Variants in CCDC63 observed in about 807,000 individuals in gnomAD.
CCDC63 encodes coiled-coil domain containing 63.
CCDC63 carries 54 observed loss-of-function variants against 63.6 expected under a neutral mutation model. The observed-to-expected ratio is 0.85, with a 90% CI of 0.68 to 1.07. The LOEUF is 1.07. Ranked by LOEUF, CCDC63 falls within the 50% of genes least tolerant of loss-of-function variation. The pLI is 0.00. For missense variants in CCDC63, 637 were observed against 689.6 expected (o/e 0.92, Z 0.86); for synonymous variants, 253 against 266.1 (o/e 0.95, Z 0.48).
rs1367395822 is a variant in CCDC63, at chr12:110,904,597, A to C, written c.1352A>C (p.Glu451Ala). The change falls in exon 11 of 12, where the codon GAA becomes GCA. Residue 451 changes from glutamate to alanine, a missense_variant. Transcript: ENST00000308208. ...INLPQYFAII[E>A]KKTNDLLLLE... ...GCTTCTTGTTCTCCAGCCATCATTG[A>C]AAAGAAGACCAACGACCTGCTGCTG... 2 of 1,613,898 alleles carry C rather than the reference A, an allele frequency of 1.2e-6. No homozygotes were observed. The highest frequency in any genetic ancestry group is 1.7e-6 in the Non-Finnish European group (2 of 1,179,968).
At chr12:110,853,612 G>C in intron 3 of CCDC63, 38 bp downstream of exon 3, 1 of 1,612,656 alleles carries the variant, frequency 6.2e-7, no homozygotes, top group Non-Finnish European at 8.5e-7. Context: ...AGTGACCTTG[G>C]AGGAAAGTTG....
chr12:110,866,324 T>TTTTA (rs398021066), intron 4 of CCDC63, among the ~76,000 whole-genome samples: 11 of 146,432 alleles, frequency 7.5e-5, no homozygotes, highest in African/African-American at 2.6e-4. Context: ...TTTTTTTTTT[T>TTTTA]AATTTATTTT....
At chr12:110,850,700 C>T (rs2070695408) in intron 1 of CCDC63, among the ~76,000 whole-genome samples, 1 of 152,136 alleles carries the variant, frequency 6.6e-6, no homozygotes, top group Non-Finnish European at 1.5e-5. Flanking sequence ...GAGATTGTGC[C>T]GTTGCACTCC....
chr12:110,849,565 C>T (rs1433401345), intron 1 of CCDC63, among the ~76,000 whole-genome samples: 1 of 141,608 alleles, frequency 7.1e-6, no homozygotes, highest in Non-Finnish European at 1.5e-5. Context: ...GTGGTGCGAT[C>T]TCAGCTCACT....
chr12:110,853,490 G>A lies in CCDC63; in HGVS notation c.95G>A (p.Arg32Gln), dbSNP rs377251306. Residue 32 changes from arginine to glutamine, a missense_variant, in exon 3 of 12, where the codon CGG (arginine) becomes CAG (glutamine). Arg to Gln is a conservative substitution (Grantham distance 43). Transcript: ENST00000308208. ...AKEQQAEAELRKLRQQFRKMV... is the reference protein window; with the variant it reads ...AKEQQAEAELQKLRQQFRKMV... The stretch of plus-strand genomic sequence containing the variant: ...GAGCAGCAGGCGGAGGCAGAGCTCC[G>A]GAAGCTAAGGCAGCAGTTCAGGAAG... 5.0e-5 allele frequency: 80 copies of A among 1,614,076 alleles called. No individual in the cohort carries two copies. The highest frequency in any genetic ancestry group is 8.0e-5 in the African/African-American group (6 of 74,920).
Position 110,884,197 on chromosome 12 carries a change from A to G in CCDC63, c.1021A>G (p.Thr341Ala). The change falls in exon 8 of 12, where the codon ACG (threonine) becomes GCG (alanine). Residue 341 changes from threonine to alanine, a missense_variant. Thr to Ala is a moderately conservative substitution (Grantham distance 58, BLOSUM62 0). Transcript: ENST00000308208. ...EKNFARFTYV[T>A]ELNNDMEMMH... is the part of the protein sequence containing the mutation. ...GAATTTTGCTCGGTTCACGTATGTC[A>G]CGGAGCTCAACAACGACATGGAGAT... 1.2e-6 allele frequency: 2 copies of G among 1,614,088 alleles called. No homozygotes were observed. Among genetic ancestry groups the G allele is most frequent in the Non-Finnish European group, 1.7e-6 (2 of 1,180,012 alleles).
intron 4 of CCDC63, among the ~76,000 whole-genome samples, chr12:110,868,714 A>AGAGGGAGAGGGAGAGG (rs1383852641): frequency 7.0e-5 from 6 of 86,030 alleles, no homozygotes; most frequent in South Asian, 1.0e-3. Context: ...GACCGTGGGG[A>AGAGGGAGAGGGAGAGG]GAGGGAGAGG....
chr12:110,884,198 C>A lies in CCDC63; in HGVS notation c.1022C>A (p.Thr341Lys). 6.2e-7 allele frequency: 1 copy of A among 1,614,084 alleles called. No individual in the cohort carries two copies. Among genetic ancestry groups the A allele is most frequent in the South Asian group, 1.1e-5 (1 of 91,072 alleles). ...AATTTTGCTCGGTTCACGTATGTCA[C>A]GGAGCTCAACAACGACATGGAGATG... ...EKNFARFTYV[T>K]ELNNDMEMMH... Residue 341 changes from threonine to lysine, a missense_variant, in exon 8 of 12, where the codon ACG becomes AAG. Thr to Lys is a moderately conservative substitution (Grantham distance 78, BLOSUM62 -1). Coordinates refer to ENST00000308208, the MANE Select transcript of CCDC63 (RefSeq NM_152591.3).
intron 7 of CCDC63, among the ~76,000 whole-genome samples, chr12:110,881,873 T>G (rs1237322515): frequency 6.6e-6 from 1 of 152,214 alleles, no homozygotes; most frequent in Non-Finnish European, 1.5e-5. Context: ...TATATTTGTC[T>G]GAAATTCAAA....
chr12:110,868,024 C>T (rs1268057042), intron 4 of CCDC63, among the ~76,000 whole-genome samples: 2 of 143,914 alleles, frequency 1.4e-5, no homozygotes, highest in South Asian at 2.3e-4. Context: ...ACGGGGCGGC[C>T]GGGCAGAGAC....
At chr12:110,850,656 G>A (rs532179633) in intron 1 of CCDC63, among the ~76,000 whole-genome samples, 17 of 152,294 alleles carry the variant, frequency 1.1e-4, no homozygotes, top group African/African-American at 3.4e-4. Flanking sequence ...CAGGAGAATC[G>A]CTTGAACCCG....
At chr12:110,885,488 C>T (rs1400696222) in intron 8 of CCDC63, among the ~76,000 whole-genome samples, 8 of 152,190 alleles carry the variant, frequency 5.3e-5, no homozygotes, top group Admixed American at 5.2e-4. Context: ...GTGTGACATT[C>T]CAGCCCCTTC....
chr12:110,867,803 T>C (rs2070991546), intron 4 of CCDC63, among the ~76,000 whole-genome samples: 3 of 148,600 alleles, frequency 2.0e-5, no homozygotes, highest in African/African-American at 5.0e-5. Context: ...GCTGAGGGGC[T>C]CCTCACTTCC....
intron 4 of CCDC63, among the ~76,000 whole-genome samples, chr12:110,859,145 C>T (rs964144364): frequency 2.0e-5 from 3 of 152,156 alleles, no homozygotes; most frequent in East Asian, 1.9e-4. Flanking sequence ...GTTGATGACA[C>T]GTAACTGTTG....
intron 5 of CCDC63, among the ~76,000 whole-genome samples, chr12:110,874,510 C>T (rs1046071502): frequency 2.8e-4 from 43 of 152,154 alleles, no homozygotes; most frequent in African/African-American, 9.4e-4. Context: ...TTGAAAGATC[C>T]AGAGGAGGAA....
At chr12:110,857,783 T>C (rs2070793398) in intron 3 of CCDC63, among the ~76,000 whole-genome samples, 1 of 152,158 alleles carries the variant, frequency 6.6e-6, no homozygotes, top group Non-Finnish European at 1.5e-5. Flanking sequence ...TTAGAGGCTA[T>C]TATGCATCCC....
chr12:110,884,591 G>T (rs1331841019), intron 8 of CCDC63, among the ~76,000 whole-genome samples: 1 of 152,090 alleles, frequency 6.6e-6, no homozygotes, highest in South Asian at 2.1e-4. Context: ...TGCAAGGCTG[G>T]TCTCGAACTC....
intron 4 of CCDC63, among the ~76,000 whole-genome samples, chr12:110,860,142 C>G (rs920407787): frequency 6.6e-6 from 1 of 152,208 alleles, no homozygotes; most frequent in Non-Finnish European, 1.5e-5. Flanking sequence ...TTCGCAACAG[C>G]GGGGGAGGGG....
At chr12:110,867,773 C>A (rs1358431457) in intron 4 of CCDC63, among the ~76,000 whole-genome samples, 1 of 143,292 alleles carries the variant, frequency 7.0e-6, no homozygotes. Context: ...ATCTCCCTCC[C>A]GGACGGGGTG....
Sources: allele counts gnomAD v4.1 joint callset (sites outside exome capture counted in the v4.1 genomes callset), GRCh38; gene constraint gnomAD v4.1.1; transcripts MANE v1.5; gene names NCBI Gene and HGNC (gene_info 2026-07-23, HGNC 2026-07-21).